The following MIB1 variants were observed in gnomAD, a reference collection of about 807,000 sequenced individuals.
MIB1 encodes the protein E3 ubiquitin-protein ligase MIB1.
MIB1 carries 278 observed loss-of-function variants against 124.5 expected under a neutral mutation model. That is an observed-to-expected ratio of 2.23 (90% CI 2.02 to 2.47). The LOEUF is 2.47. Among genes scored for constraint, MIB1 ranks in the 30% most tolerant of loss-of-function variants. The pLI, the probability that MIB1 is intolerant of heterozygous loss-of-function variation, is 0.00. For synonymous variants in MIB1, 446 were observed against 429.4 expected (o/e 1.04, Z -0.48); for missense variants, 957 against 1,254.4 (o/e 0.76, Z 3.58).
intron 1 of MIB1, among the ~76,000 whole-genome samples, chr18:21,763,160 T>C (rs1429214585): frequency 6.6e-6 from 1 of 152,150 alleles, no homozygotes; most frequent in Non-Finnish European, 1.5e-5. Flanking sequence ...GGAAGTGTTT[T>C]CTTAATTTAT....
intron 3 of MIB1, among the ~76,000 whole-genome samples, chr18:21,773,251 C>T (rs1020002402): frequency 2.6e-5 from 4 of 151,998 alleles, no homozygotes; most frequent in Admixed American, 1.3e-4. Flanking sequence ...GCGACAAGAG[C>T]GAGATTCCAT....
At position 21,846,880 on chromosome 18, in the gene MIB1, TATG is replaced by T. The variant is rs2042139180; in HGVS notation, c.2212-59_2212-57del. The T allele has an allele frequency of 7.5e-6, 11 of 1,471,228 alleles. No individual in the cohort carries two copies. In the South Asian group the frequency reaches 1.1e-4, roughly 14 times the overall value. The allele number at this position is 1,471,228 out of a possible 1,614,324, so 91.1% of individuals were successfully genotyped here. ...TGTCCACCACACACACATACATATA[TATG>T]ATGACAAGAATTGATGGCAGATTCC... On this transcript the variant is annotated intron_variant, in intron 15 of 20. Coordinates refer to ENST00000261537, the MANE Select transcript of MIB1 (RefSeq NM_020774.4).
At position 21,741,524 on chromosome 18, in the gene MIB1, C is replaced by A; in HGVS notation, c.-60C>A. 1.6e-6 allele frequency: 2 copies of A among 1,254,674 alleles called. No homozygotes were observed. Among genetic ancestry groups the A allele is most frequent in the South Asian group, 2.5e-5 (1 of 39,314 alleles). 77.7% of individuals were successfully genotyped at this position (1,254,674 alleles called of 1,614,324 possible). ...GCCCGGGCCCAACTCCCTCACGGGC[C>A]CCCCGGCGGCAGCGGCGGCGGCGGC... On this transcript the variant is annotated 5_prime_UTR_variant, in exon 1 of 21. Transcript: ENST00000261537. This position sits in a 1 kb window ranked among gnomAD's most constrained non-coding sequence, Gnocchi z 5.4.
intron 18 of MIB1, 62 bp from the exon 19 acceptor site, chr18:21,857,068 G>GA (rs2042235399): frequency 1.8e-6 from 2 of 1,104,332 alleles, no homozygotes; most frequent in Non-Finnish European, 2.8e-6. Flanking sequence ...AATTAGCAGA[G>GA]AAAGGCAACA....
At position 21,864,619 on chromosome 18, in the gene MIB1, T is replaced by C. The variant is rs943876500; in HGVS notation, c.2974T>C (p.Cys992Arg). 2.5e-6 allele frequency: 4 copies of C among 1,613,762 alleles called. No individual in the cohort carries two copies. The highest frequency in any genetic ancestry group is 1.3e-5 in the African/African-American group (1 of 74,928). The change falls in exon 21 of 21, where the codon TGT (cysteine) becomes CGT (arginine). Residue 992 changes from cysteine (C) to arginine (R), a missense_variant. By Grantham distance (180) the Cys-to-Arg change is radical (BLOSUM62 -3). Coordinates refer to ENST00000261537, the MANE Select transcript of MIB1 (RefSeq NM_020774.4). ...CQLCGDRMSE[C>R]PICRKAIERR... ...ACTCTGTGGAGACCGCATGAGTGAA[T>C]GTCCTATCTGTCGCAAGGCTATTGA... is the stretch of plus-strand genomic sequence containing the variant.
chr18:21,771,975 G>A (rs2146415222), intron 3 of MIB1, among the ~76,000 whole-genome samples: 1 of 152,106 alleles, frequency 6.6e-6, no homozygotes, highest in East Asian at 1.9e-4. Flanking sequence ...ACTCCAGCCT[G>A]GGTGACAAGA....
chr18:21,761,869 C>T (rs2041101346), intron 1 of MIB1, among the ~76,000 whole-genome samples: 1 of 152,104 alleles, frequency 6.6e-6, no homozygotes, highest in African/African-American at 2.4e-5. Flanking sequence ...TCTTTCTAAG[C>T]ACGAAGCCTC....
At chr18:21,730,042 G>A (rs1366963102) in intron 1 of MIB1, among the ~76,000 whole-genome samples, 3 of 152,188 alleles carry the variant, frequency 2.0e-5, no homozygotes, top group African/African-American at 7.2e-5. Context: ...ATTGGATCAA[G>A]AACTAGCCAT....
intron 1 of MIB1, among the ~76,000 whole-genome samples, chr18:21,748,402 T>C: frequency 1.1e-5 from 1 of 91,958 alleles, no homozygotes; most frequent in Non-Finnish European, 2.0e-5. Flanking sequence ...CCCCTCCCTC[T>C]CTCCCTCTCT....
upstream of MIB1, among the ~76,000 whole-genome samples, chr18:21,740,411 T>C (rs2040831664): frequency 6.6e-6 from 1 of 152,238 alleles, no homozygotes; most frequent in African/African-American, 2.4e-5. Flanking sequence ...CTGCTCTGTC[T>C]GGTTTGAAAT....
At position 21,865,155 on chromosome 18, in the gene MIB1, A is replaced by T. The variant is rs2042310947; in HGVS notation, c.*489A>T. 1 of 152,348 alleles carries T rather than the reference A, an allele frequency of 6.6e-6. No homozygotes were observed. 9.4% of individuals were successfully genotyped at this position (152,348 alleles called of 1,614,324 possible). ...TATAAAATGACAGTACAAGTTCCAG[A>T]TAGTTAAGGGAATACCGAAGGGATG... On this transcript the variant is annotated 3_prime_UTR_variant, in exon 21 of 21. Transcript: ENST00000261537.
intron 1 of MIB1, among the ~76,000 whole-genome samples, chr18:21,735,572 T>A (rs971039127): frequency 6.6e-6 from 1 of 151,830 alleles, no homozygotes; most frequent in African/African-American, 2.4e-5. Context: ...AGCCAAGTGG[T>A]CTGGCTCAGC....
At chr18:21,729,387 G>A (rs575837333) in intron 1 of MIB1, among the ~76,000 whole-genome samples, 4 of 152,252 alleles carry the variant, frequency 2.6e-5, no homozygotes, top group Middle Eastern at 3.4e-3. Flanking sequence ...GACACCAGCC[G>A]ACTTGATGTC....
At chr18:21,713,801 G>A (rs2040676785) in intron 1 of MIB1, among the ~76,000 whole-genome samples, 1 of 140,648 alleles carries the variant, frequency 7.1e-6, no homozygotes, top group Non-Finnish European at 1.5e-5. Context: ...GTTTCACCAT[G>A]TTGGCCAGGC....
chr18:21,794,980 G>T (rs544186285), intron 7 of MIB1, among the ~76,000 whole-genome samples: 2 of 152,028 alleles, frequency 1.3e-5, no homozygotes, highest in South Asian at 4.1e-4. Flanking sequence ...TCAAGTGAAG[G>T]ACTAGTGATC....
At chr18:21,765,629 A>G (rs1264440078) in intron 1 of MIB1, 143 bp from the exon 2 acceptor site, 37 of 719,324 alleles carry the variant, frequency 5.1e-5, no homozygotes, top group Non-Finnish European at 7.0e-5. Flanking sequence ...TCTTGAAGCT[A>G]TATGTGTTAA....
rs190010735 is a variant in MIB1 at position 21,771,572 on chromosome 18, G to A, written c.532-2052G>A. On this transcript the variant is annotated intron_variant, in intron 3 of 20. Coordinates refer to ENST00000261537, the MANE Select transcript of MIB1 (RefSeq NM_020774.4). ...GAGCAGGAATCATAAAGCAAATTAA[G>A]GTAAATGGTGGACTCTTAACTTCAG... Among the ~76,000 whole-genome samples the A allele has an allele frequency of 2.6e-5, 4 of 152,206 alleles. No individual in the cohort carries two copies. The East Asian group carries it at 5.8e-4, about 22-fold the overall frequency.
At chr18:21,765,677 G>A (rs751571935) in intron 1 of MIB1, 95 bp from the exon 2 acceptor site, 40 of 1,200,076 alleles carry the variant, frequency 3.3e-5, no homozygotes, top group Non-Finnish European at 4.4e-5. Context: ...AGAATATCTT[G>A]TAAAATGTTC....
intron 13 of MIB1, among the ~76,000 whole-genome samples, chr18:21,838,806 C>T (rs967547652): frequency 6.6e-6 from 1 of 152,152 alleles, no homozygotes. Context: ...GCCACTGTTA[C>T]GGAAGTATCA....
Sources: allele counts gnomAD v4.1 joint callset (sites outside exome capture counted in the v4.1 genomes callset), GRCh38; gene constraint gnomAD v4.1.1; non-coding constraint Gnocchi (gnomAD v3.1); transcripts MANE v1.5; gene names NCBI Gene and HGNC (gene_info 2026-07-23, HGNC 2026-07-21).